Variants in NR3C1 observed in about 807,000 individuals in gnomAD.
The protein encoded by NR3C1 is glucocorticoid receptor.
A neutral mutation model predicts 74.0 loss-of-function variants in NR3C1; 14 were observed. The observed-to-expected ratio is 0.19, with a 90% confidence interval of 0.12 to 0.30. The LOEUF (loss-of-function observed/expected upper bound fraction) is 0.30. NR3C1 is among the 10% of genes least tolerant of loss of function. The pLI is 1.00. For synonymous variants in NR3C1, 308 were observed against 332.5 expected, an observed-to-expected ratio of 0.93 and a Z score of 0.80; for missense variants, 695 against 909.8, an observed-to-expected ratio of 0.76 and a Z score of 3.04.
chr5:143,305,941 TAGTTTC>T (rs1488678197), intron 4 of NR3C1, among the ~76,000 whole-genome samples: 1 of 152,172 alleles, frequency 6.6e-6, no homozygotes, highest in East Asian at 1.9e-4. Context: ...TTAAAAAAAT[TAGTTTC>T]AGTAATATTT....
At chr5:143,329,177 G>A (rs1416054044) in intron 2 of NR3C1, among the ~76,000 whole-genome samples, 1 of 152,160 alleles carries the variant, frequency 6.6e-6, no homozygotes, top group Non-Finnish European at 1.5e-5. Context: ...CATGGCAGAA[G>A]GCAAAGAGGA....
rs561410349 is a variant in NR3C1, at chr5:143,284,887, G to A, written c.2024-2162C>T. ...CTGCAGTGAAGGGAAAGGGAACCCAGGGTCTAGCAATCTTGCTGGGTTGAG... is the reference window on the plus strand; with the variant it reads ...CTGCAGTGAAGGGAAAGGGAACCCAAGGTCTAGCAATCTTGCTGGGTTGAG... On this transcript the variant is annotated intron_variant, in intron 7 of 8. Coordinates refer to ENST00000394464, the MANE Select transcript of NR3C1 (RefSeq NM_000176.3). Among the ~76,000 whole-genome samples the A allele has an allele frequency of 2.0e-4, 31 of 152,216 alleles. No homozygotes were observed. The South Asian group carries it at 5.6e-3, about 28-fold the overall frequency.
In NR3C1 at chr5:143,321,701, G is replaced by A. The variant is rs904088084; in HGVS notation, c.1185-7533C>T. ...TCCATGTAGTTTCTTTATCACTACA[G>A]GGATCCTGGATTCTACAAATATTTA... On this transcript the variant is annotated intron_variant, in intron 2 of 8. Transcript: ENST00000394464. Among the ~76,000 whole-genome samples, 9 of 152,250 alleles carry A rather than the reference G, an allele frequency of 5.9e-5. No individual in the cohort carries two copies. In the East Asian group the frequency reaches 1.7e-3, roughly 29 times the overall value.
chr5:143,356,332 T>G (rs1831128734), intron 2 of NR3C1, among the ~76,000 whole-genome samples: 1 of 152,046 alleles, frequency 6.6e-6, no homozygotes, highest in South Asian at 2.1e-4. Flanking sequence ...GCATAAAGAC[T>G]GAGAGCTTAA....
intron 1 of NR3C1, among the ~76,000 whole-genome samples, chr5:143,423,703 T>C (rs1751356900): frequency 6.6e-6 from 1 of 152,166 alleles, no homozygotes; most frequent in East Asian, 1.9e-4. Context: ...AGGTATGGAA[T>C]CAACCTAAGT....
At chr5:143,329,225 A>C (rs918189868) in intron 2 of NR3C1, among the ~76,000 whole-genome samples, 17 of 152,210 alleles carry the variant, frequency 1.1e-4, no homozygotes, top group African/African-American at 4.1e-4. Context: ...GAGAGAGAGA[A>C]AGCACAGGGG....
Position 143,403,507 on chromosome 5 carries a change from C to T in NR3C1, c.-310G>A. 3.0e-6 allele frequency: 3 copies of T among 985,270 alleles called. No homozygotes were observed. The highest frequency in any genetic ancestry group is 3.6e-6 in the Non-Finnish European group (3 of 829,968). 61.0% of individuals were successfully genotyped at this position (985,270 alleles called of 1,614,324 possible). A position where few individuals can be genotyped will look rare whatever the true frequency, so the allele number is the denominator to read the frequency against. ...GCTGCTTCGGCCGCTCCGGCTGCGG[C>T]GTCTCCTTCCACCCACAGAATCCGT... On this transcript the variant is annotated 5_prime_UTR_variant, in exon 1 of 9. Coordinates refer to ENST00000394464, the MANE Select transcript of NR3C1 (RefSeq NM_000176.3).
At chr5:143,419,191 C>G (rs185184607) in intron 1 of NR3C1, among the ~76,000 whole-genome samples, 1 of 152,232 alleles carries the variant, frequency 6.6e-6, no homozygotes, top group Admixed American at 6.5e-5. Context: ...CCCTTCCTGT[C>G]GGAAGCATTT....
At chr5:143,329,902 T>C (rs1825605265) in intron 2 of NR3C1, among the ~76,000 whole-genome samples, 1 of 152,176 alleles carries the variant, frequency 6.6e-6, no homozygotes, top group Non-Finnish European at 1.5e-5. Context: ...TAATTAAATA[T>C]CAGTCAAAAC....
Position 143,300,822 on chromosome 5 carries a change from C to T in NR3C1, c.1469-59G>A, listed in dbSNP as rs1561509508. On this transcript the variant is annotated intron_variant, in intron 4 of 8. Transcript: ENST00000394464. This position sits in a 1 kb window ranked among gnomAD's most constrained non-coding sequence, Gnocchi z 5.2. ...CTGTAATGGGAAGGTCTGCGCTACA[C>T]AGTTTATTCAAGAAGTATTTTTACT... 26 of 1,430,134 alleles carry T rather than the reference C, an allele frequency of 1.8e-5. No individual in the cohort carries two copies. The highest frequency in any genetic ancestry group is 5.8e-6 in the Non-Finnish European group (6 of 1,035,654). 88.6% of individuals were successfully genotyped at this position (1,430,134 alleles called of 1,614,324 possible).
At position 143,403,515 on chromosome 5, in the gene NR3C1, T is replaced by C. The variant is rs571795102; in HGVS notation, c.-318A>G. The C allele has an allele frequency of 2.3e-3, 2,274 of 985,202 alleles. 3 individuals carry two copies. The highest frequency in any genetic ancestry group is 2.6e-3 in the Non-Finnish European group (2,135 of 829,970). 61.0% of individuals were successfully genotyped at this position (985,202 alleles called of 1,614,324 possible). On this transcript the variant is annotated 5_prime_UTR_variant, in exon 1 of 9. Coordinates refer to ENST00000394464, the MANE Select transcript of NR3C1 (RefSeq NM_000176.3). ...GGCCGCTCCGGCTGCGGCGTCTCCT[T>C]CCACCCACAGAATCCGTCCCCGACG...
At chr5:143,339,077 C>T (rs898167036) in intron 2 of NR3C1, among the ~76,000 whole-genome samples, 3 of 152,158 alleles carry the variant, frequency 2.0e-5, no homozygotes, top group African/African-American at 7.2e-5. Context: ...TCCAGGTGTA[C>T]TGTAGGACAT....
At chr5:143,303,686 A>G (rs1818971359) in intron 4 of NR3C1, among the ~76,000 whole-genome samples, 1 of 152,174 alleles carries the variant, frequency 6.6e-6, no homozygotes, top group African/African-American at 2.4e-5. Flanking sequence ...AATCTTCAAC[A>G]AAACACTAGC....
At chr5:143,354,011 T>C (rs1466546154) in intron 2 of NR3C1, among the ~76,000 whole-genome samples, 5 of 152,270 alleles carry the variant, frequency 3.3e-5, no homozygotes, top group Non-Finnish European at 7.3e-5. Context: ...CTGCAGTTTC[T>C]GTATCAGCAC....
At chr5:143,329,615 A>G (rs1600007574) in intron 2 of NR3C1, among the ~76,000 whole-genome samples, 1 of 152,200 alleles carries the variant, frequency 6.6e-6, no homozygotes, top group African/African-American at 2.4e-5. Flanking sequence ...TGTATCACAG[A>G]TTAAGATAGA....
upstream of NR3C1, chr5:143,404,309 G>C (rs1840901433): frequency 1.0e-6 from 1 of 985,546 alleles, no homozygotes. Flanking sequence ...GGGGCCGGGC[G>C]GCCTGACACG....
At chr5:143,318,251 C>T (rs1233814283) in intron 2 of NR3C1, among the ~76,000 whole-genome samples, 2 of 152,096 alleles carry the variant, frequency 1.3e-5, no homozygotes, top group Non-Finnish European at 2.9e-5. Context: ...AACTTAAGTT[C>T]AGGTAATTAT....
At chr5:143,349,328 C>G (rs377216093) in intron 2 of NR3C1, among the ~76,000 whole-genome samples, 1 of 152,178 alleles carries the variant, frequency 6.6e-6, no homozygotes, top group African/African-American at 2.4e-5. Context: ...CAATTGCCTA[C>G]TCTCTTCATG....
intron 2 of NR3C1, among the ~76,000 whole-genome samples, chr5:143,398,464 G>A (rs1430014645): frequency 6.6e-6 from 1 of 150,590 alleles, no homozygotes; most frequent in Non-Finnish European, 1.5e-5. Context: ...AAGTACAGAG[G>A]AAAGAAAAGA....
Sources: allele counts gnomAD v4.1 joint callset (sites outside exome capture counted in the v4.1 genomes callset), GRCh38; gene constraint gnomAD v4.1.1; non-coding constraint Gnocchi (gnomAD v3.1); transcripts MANE v1.5; gene names NCBI Gene and HGNC (gene_info 2026-07-23, HGNC 2026-07-21).